SLC1A1: variants seen among roughly 807,000 people sequenced by gnomAD.
The protein encoded by SLC1A1 is excitatory amino acid transporter 3.
In SLC1A1, 43 loss-of-function variants were observed where a neutral mutation model predicts 53.3. The ratio of observed to expected loss-of-function variants is 0.81; its 90% CI spans 0.63 to 1.04. SLC1A1 has a LOEUF of 1.04. SLC1A1 is among the 50% of genes least tolerant of loss of function. SLC1A1 has a pLI of 0.00. For synonymous variants in SLC1A1, 307 were observed against 243.2 expected (o/e 1.26, Z -2.44); for missense variants, 748 against 664.9 (o/e 1.12, Z -1.37).
At chr9:4,558,319 G>T (rs1818617732) in intron 2 of SLC1A1, among the ~76,000 whole-genome samples, 1 of 152,178 alleles carries the variant, frequency 6.6e-6, no homozygotes, top group Non-Finnish European at 1.5e-5. Context: ...GAGGTAGAGG[G>T]TAACTATAGA....
At chr9:4,508,422 G>C (rs1479361765) in intron 1 of SLC1A1, among the ~76,000 whole-genome samples, 1 of 152,132 alleles carries the variant, frequency 6.6e-6, no homozygotes, top group African/African-American at 2.4e-5. Context: ...ATTTGCTCGA[G>C]AGACTAGATT....
chr9:4,580,499 T>C (rs1820958424), intron 10 of SLC1A1, among the ~76,000 whole-genome samples: 1 of 151,436 alleles, frequency 6.6e-6, no homozygotes, highest in Non-Finnish European at 1.5e-5. Flanking sequence ...GAAGATCGCT[T>C]GAGCCCAATA....
intron 1 of SLC1A1, among the ~76,000 whole-genome samples, chr9:4,524,248 T>A (rs996864380): frequency 2.0e-5 from 3 of 152,234 alleles, no homozygotes; most frequent in Non-Finnish European, 4.4e-5. Flanking sequence ...ACTGACTCCA[T>A]TATCCATCTT....
At chr9:4,503,025 C>A (rs1190024863) in intron 1 of SLC1A1, among the ~76,000 whole-genome samples, 1 of 151,790 alleles carries the variant, frequency 6.6e-6, no homozygotes, top group Non-Finnish European at 1.5e-5. Context: ...TGTTATCCTG[C>A]CTATCCTTGA....
intron 1 of SLC1A1, among the ~76,000 whole-genome samples, chr9:4,517,526 G>C (rs1421767502): frequency 1.3e-5 from 2 of 152,194 alleles, no homozygotes; most frequent in Admixed American, 6.5e-5. Context: ...TCCACGTGCT[G>C]ATTTCCTGAT....
intron 1 of SLC1A1, among the ~76,000 whole-genome samples, chr9:4,535,910 C>A (rs1364601619): frequency 6.6e-6 from 1 of 152,140 alleles, no homozygotes; most frequent in Non-Finnish European, 1.5e-5. Context: ...ACCATCTGAT[C>A]TTTGACAAAC....
At chr9:4,565,370 A>G (rs1797825502) in intron 4 of SLC1A1, among the ~76,000 whole-genome samples, 1 of 152,240 alleles carries the variant, frequency 6.6e-6, no homozygotes, top group African/African-American at 2.4e-5. Context: ...ACTGCTATAA[A>G]GAACTACCTG....
At chr9:4,502,334 C>T (rs1820660686) in intron 1 of SLC1A1, among the ~76,000 whole-genome samples, 1 of 126,844 alleles carries the variant, frequency 7.9e-6, no homozygotes, top group African/African-American at 3.1e-5. Context: ...CTGCAGTGAG[C>T]CAAGATCACA....
At chr9:4,524,981 G>T (rs1488027255) in intron 1 of SLC1A1, among the ~76,000 whole-genome samples, 2 of 152,130 alleles carry the variant, frequency 1.3e-5, no homozygotes, top group Admixed American at 1.3e-4. Context: ...GCCACAGTGG[G>T]GATGAAATTT....
intron 1 of SLC1A1, among the ~76,000 whole-genome samples, chr9:4,522,213 G>A (rs184524300): frequency 1.8e-4 from 28 of 151,788 alleles, no homozygotes; most frequent in East Asian, 7.7e-4. Context: ...CACCACGCCC[G>A]GCTAATTTTT....
At chr9:4,534,039 C>T (rs1319958551) in intron 1 of SLC1A1, among the ~76,000 whole-genome samples, 1 of 152,178 alleles carries the variant, frequency 6.6e-6, no homozygotes, top group Non-Finnish European at 1.5e-5. Context: ...ACACCAGAAT[C>T]TCTGGGACAC....
chr9:4,580,166 G>C (rs1820922041), intron 10 of SLC1A1, among the ~76,000 whole-genome samples: 1 of 151,922 alleles, frequency 6.6e-6, no homozygotes, highest in South Asian at 2.1e-4. Context: ...AGGAGGCAGA[G>C]GTTGCAGTGA....
intron 2 of SLC1A1, among the ~76,000 whole-genome samples, chr9:4,545,950 A>G (rs902616483): frequency 6.6e-6 from 1 of 152,192 alleles, no homozygotes; most frequent in Non-Finnish European, 1.5e-5. Flanking sequence ...TCAAGGTTTT[A>G]TGTAAACATG....
chr9:4,522,054 CT>C (rs574251219), intron 1 of SLC1A1, among the ~76,000 whole-genome samples: 78 of 23,386 alleles, frequency 3.3e-3, no homozygotes, highest in Non-Finnish European at 4.3e-3. Flanking sequence ...TTTTTTTTTT[CT>C]TTTTTTTTTT....
chr9:4,559,669 T>A (rs936881371), intron 2 of SLC1A1: 1 of 152,202 alleles, frequency 6.6e-6, no homozygotes, highest in Non-Finnish European at 1.5e-5. Flanking sequence ...TCTTCCTTTT[T>A]CCTGCTACCC....
Position 4,537,201 on chromosome 9 carries a change from G to T in SLC1A1, c.92-7366G>T, listed in dbSNP as rs79791073. On this transcript the variant is annotated intron_variant, in intron 1 of 11. Transcript: ENST00000262352. ...TAAAACTTAAATAATAAAAAAAAAA[G>T]ATGAAGATGTTTAATGTGGGGGAAA... is the stretch of plus-strand genomic sequence containing the variant. 1.3e-4 allele frequency among the ~76,000 whole-genome samples: 19 copies of T among 151,932 alleles called. No homozygotes were observed. The East Asian group carries it at 3.7e-3, about 29-fold the overall frequency.
chr9:4,546,183 C>G (rs965046805), intron 2 of SLC1A1, among the ~76,000 whole-genome samples: 2 of 152,116 alleles, frequency 1.3e-5, no homozygotes, highest in African/African-American at 4.8e-5. Context: ...CCCTTGGGAG[C>G]TTTGTCCTTA....
intron 8 of SLC1A1, 151 bp downstream of exon 8, chr9:4,574,165 T>C: frequency 1.4e-6 from 1 of 699,356 alleles, no homozygotes; most frequent in Non-Finnish European, 2.6e-6. Context: ...GGAGGAGGGC[T>C]GCCCTTTAAC....
intron 2 of SLC1A1, among the ~76,000 whole-genome samples, 191 bp downstream of exon 2, chr9:4,544,898 G>C (rs140811807): frequency 9.5e-4 from 144 of 152,302 alleles, no homozygotes; most frequent in African/African-American, 2.9e-3. Flanking sequence ...CCTTCACAAG[G>C]TGGCAGGAAG....
Sources: gnomAD v4.1 joint callset for allele counts (sites outside exome capture counted in the v4.1 genomes callset) on GRCh38, gnomAD v4.1.1 for gene constraint, MANE v1.5 for transcripts, NCBI Gene and HGNC (gene_info 2026-07-23, HGNC 2026-07-21) for gene names.